NEFH: variants seen among roughly 807,000 people sequenced by gnomAD.
NEFH encodes the protein neurofilament heavy chain.
NEFH carries 58 observed loss-of-function variants against 56.6 expected under a neutral mutation model. The observed-to-expected ratio is 1.03, with a 90% CI of 0.83 to 1.28. NEFH has a LOEUF of 1.28. NEFH is among the 50% of genes most tolerant of loss of function. The pLI, the probability that NEFH is intolerant of heterozygous loss-of-function variation, is 0.00. For synonymous variants in NEFH, 542 were observed against 545.8 expected (o/e 0.99, Z 0.10); for missense variants, 1,221 against 1,307.6 (o/e 0.93, Z 1.02).
intron 2 of NEFH, among the ~76,000 whole-genome samples, chr22:29,483,982 G>T (rs373224500): frequency 2.0e-5 from 3 of 151,812 alleles, no homozygotes; most frequent in African/African-American, 7.2e-5. Context: ...CCCGAGTAGC[G>T]GGGACTACAG....
intron 1 of NEFH, among the ~76,000 whole-genome samples, chr22:29,481,412 C>A (rs1237701616): frequency 2.0e-5 from 3 of 152,134 alleles, no homozygotes; most frequent in South Asian, 2.1e-4. Context: ...TGCTCTCTAC[C>A]CCAAGCTTAG....
chr22:29,480,971 G>A lies in NEFH; in HGVS notation c.709G>A (p.Glu237Lys). Residue 237 changes from glutamate to lysine, a missense_variant, in exon 1 of 4, where the codon GAG becomes AAG. By Grantham distance (56) the Glu-to-Lys change is moderately conservative. Transcript: ENST00000310624. Reference sequence around the variant, plus strand: ...CTACCTGCGGCGCCACCACCAGGAAGAGGTGGGCGAGCTGCTCGGCCAGAT... The same window carrying A: ...CTACCTGCGGCGCCACCACCAGGAAAAGGTGGGCGAGCTGCTCGGCCAGAT... ...CGYLRRHHQE[E>K]VGELLGQIQG... 6.5e-7 allele frequency: 1 copy of A among 1,531,660 alleles called. No individual in the cohort carries two copies. Among genetic ancestry groups the A allele is most frequent in the Non-Finnish European group, 8.7e-7 (1 of 1,145,492 alleles). The allele number at this position is 1,531,660 out of a possible 1,614,324, so 94.9% of individuals were successfully genotyped here.
chr22:29,481,712 G>A (rs1200476631), intron 1 of NEFH, among the ~76,000 whole-genome samples: 2 of 152,178 alleles, frequency 1.3e-5, no homozygotes, highest in Non-Finnish European at 2.9e-5. Context: ...TTCCTAGAGG[G>A]AACCATTACT....
At chr22:29,488,791 C>T (rs566058504) in intron 3 of NEFH, 58 bp from the exon 4 acceptor site, 1 of 1,546,292 alleles carries the variant, frequency 6.5e-7, no homozygotes, top group Non-Finnish European at 8.9e-7. Flanking sequence ...CTAGGAAGAA[C>T]CCAAATAGTG....
At chr22:29,485,529 A>G (rs1469966766) in intron 2 of NEFH, among the ~76,000 whole-genome samples, 194 bp from the exon 3 acceptor site, 4 of 152,242 alleles carry the variant, frequency 2.6e-5, no homozygotes, top group Non-Finnish European at 5.9e-5. Flanking sequence ...TGAGGTCACT[A>G]TACAGCAGGA....
chr22:29,490,439 A>G lies in NEFH; in HGVS notation c.2799A>G (p.Pro933=), dbSNP rs746496225. 1.2e-6 allele frequency: 2 copies of G among 1,604,902 alleles called. No individual in the cohort carries two copies. The highest frequency in any genetic ancestry group is 1.7e-6 in the Non-Finnish European group (2 of 1,177,796). ...AGACAGAGGTAGCCAAGAAGGAACC[A>G]GATGATGCCAAGGCCAAGGAACCCA... The part of the protein sequence containing the change: ...KEKTEVAKKE[P]DDAKAKEPSK... Residue 933 remains proline (P), a synonymous_variant, in exon 4 of 4, where the codon CCA becomes CCG. Coordinates refer to ENST00000310624, the MANE Select transcript of NEFH (RefSeq NM_021076.4).
chr22:29,490,406 C>A lies in NEFH; in HGVS notation c.2766C>A (p.Pro922=). 5 of 1,611,558 alleles carry A rather than the reference C, an allele frequency of 3.1e-6. No homozygotes were observed. The highest frequency in any genetic ancestry group is 4.2e-6 in the Non-Finnish European group (5 of 1,179,472). ...TGGAGGTGAAGGAAGACGCTAAACC[C>A]AAAGAAAAGACAGAGGTAGCCAAGA... ...AKVEVKEDAK[P]KEKTEVAKKE... is the part of the protein sequence containing the mutation. The change falls in exon 4 of 4, where the codon CCC becomes CCA. Residue 922 remains proline (P), a synonymous_variant. Coordinates refer to ENST00000310624, the MANE Select transcript of NEFH (RefSeq NM_021076.4).
rs2146401298 is a variant in NEFH, at chr22:29,490,149, G to C, written c.2509G>C (p.Glu837Gln). Reference protein sequence around the residue: ...EEKPQEVKVKEPPKKAEEEKA... With the variant: ...EEKPQEVKVKQPPKKAEEEKA... ...GAAGCCCCAGGAGGTGAAAGTCAAA[G>C]AGCCCCCAAAGAAGGCAGAGGAAGA... The change falls in exon 4 of 4, where the codon GAG becomes CAG. Residue 837 changes from glutamate (E) to glutamine (Q), a missense_variant. Glu to Gln is a conservative substitution (Grantham distance 29). This residue lies in a region of NEFH where 301 missense variants were observed against 346.6 expected (regional missense o/e 0.87). Transcript: ENST00000310624. The C allele has an allele frequency of 6.2e-7, 1 of 1,613,764 alleles. No individual in the cohort carries two copies.
intron 2 of NEFH, 136 bp from the exon 3 acceptor site, chr22:29,485,587 C>G: frequency 9.7e-7 from 1 of 1,034,458 alleles, no homozygotes. Context: ...CCCTACAGCT[C>G]TGGCAGGGTT....
Position 29,489,972 on chromosome 22 carries a change from G to T in NEFH, c.2332G>T (p.Ala778Ser). Residue 778 changes from alanine to serine, a missense_variant, in exon 4 of 4, where the codon GCA becomes TCA. By Grantham distance (99) the Ala-to-Ser change is moderately conservative. Coordinates refer to ENST00000310624, the MANE Select transcript of NEFH (RefSeq NM_021076.4). ...AGCGAAGGAGGAAGCAAGGTCCCCT[G>T]CAGACAAATTCCCTGAAAAGGCCAA... ...TPAKEEARSP[A>S]DKFPEKAKSP... is the part of the protein sequence containing the mutation. 6.2e-7 allele frequency: 1 copy of T among 1,614,010 alleles called. No homozygotes were observed. Among genetic ancestry groups the T allele is most frequent in the East Asian group, 2.2e-5 (1 of 44,838 alleles).
At chr22:29,482,757 T>C (rs1039601713) in intron 1 of NEFH, among the ~76,000 whole-genome samples, 3 of 152,208 alleles carry the variant, frequency 2.0e-5, no homozygotes, top group Non-Finnish European at 4.4e-5. Flanking sequence ...GCTAGGGAGC[T>C]GGACCAGGCA....
At chr22:29,486,137 G>T (rs376790111) in intron 3 of NEFH, among the ~76,000 whole-genome samples, 1 of 152,070 alleles carries the variant, frequency 6.6e-6, no homozygotes, top group East Asian at 1.9e-4. Context: ...CCATGCCTCA[G>T]CCTCCTGAGT....
At position 29,480,933 on chromosome 22, in the gene NEFH, A is replaced by T. The variant is rs1192980800; in HGVS notation, c.671A>T (p.Gln224Leu). 6.5e-7 allele frequency: 1 copy of T among 1,528,198 alleles called. No homozygotes were observed. The highest frequency in any genetic ancestry group is 2.0e-5 in the Admixed American group (1 of 50,674). 94.7% of individuals were successfully genotyped at this position (1,528,198 alleles called of 1,614,324 possible). A position where few individuals can be genotyped will look rare whatever the true frequency, so the allele number is the denominator to read the frequency against. Reference protein sequence around the residue: ...VDLQKKAQALQEECGYLRRHH... With the variant: ...VDLQKKAQALLEECGYLRRHH... ...CTGCAGAAGAAGGCGCAGGCGCTGCAGGAGGAGTGCGGCTACCTGCGGCGC... is the reference window on the plus strand; with the variant it reads ...CTGCAGAAGAAGGCGCAGGCGCTGCTGGAGGAGTGCGGCTACCTGCGGCGC... The change falls in exon 1 of 4, where the codon CAG becomes CTG. Residue 224 changes from glutamine to leucine, a missense_variant. Around this residue, in one of 4 missense-constraint regions of NEFH, gnomAD observed 640 missense variants for 555.5 expected, o/e 1.15. Coordinates refer to ENST00000310624, the MANE Select transcript of NEFH (RefSeq NM_021076.4).
In NEFH at chr22:29,480,656, C is replaced by T; in HGVS notation, c.394C>T (p.Leu132=). 6.4e-7 allele frequency: 1 copy of T among 1,555,042 alleles called. No homozygotes were observed. The highest frequency in any genetic ancestry group is 8.6e-7 in the Non-Finnish European group (1 of 1,159,446). The change falls in exon 1 of 4, where the codon CTG becomes TTG. Residue 132 remains leucine (L), a synonymous_variant. Transcript: ENST00000310624. The part of the protein sequence containing the change: ...NRSLEGEAAA[L]RQQQAGRSAM... ...CAGCCTGGAGGGCGAGGCTGCGGCG[C>T]TGCGGCAGCAGCAGGCGGGCCGCTC... is the stretch of plus-strand genomic sequence containing the variant.
At chr22:29,483,869 A>T (rs2063028543) in intron 2 of NEFH, among the ~76,000 whole-genome samples, 1 of 103,456 alleles carries the variant, frequency 9.7e-6, no homozygotes, top group Non-Finnish European at 1.9e-5. Context: ...ATTTATTTTG[A>T]GATGGAGTCT....
At chr22:29,484,404 C>T (rs545535362) in intron 2 of NEFH, among the ~76,000 whole-genome samples, 3 of 152,162 alleles carry the variant, frequency 2.0e-5, no homozygotes, top group South Asian at 4.1e-4. Context: ...CTTTAGGAGG[C>T]CAAGGCGGGT....
At position 29,490,563 on chromosome 22, in the gene NEFH, G is replaced by T; in HGVS notation, c.2923G>T (p.Ala975Ser). The T allele has an allele frequency of 6.2e-7, 1 of 1,613,616 alleles. No individual in the cohort carries two copies. ...GGAGAAACCCAAGACAGAGGCCAAA[G>T]CCAAGGAAGATGACAAGACCCTCTC... ...PEEKPKTEAK[A>S]KEDDKTLSKE... Residue 975 changes from alanine (A) to serine (S), a missense_variant, in exon 4 of 4, where the codon GCC (alanine) becomes TCC (serine). Transcript: ENST00000310624.
intron 2 of NEFH, among the ~76,000 whole-genome samples, chr22:29,484,287 T>C (rs2063030970): frequency 6.6e-6 from 1 of 152,210 alleles, no homozygotes; most frequent in African/African-American, 2.4e-5. Flanking sequence ...GGACATTCTG[T>C]AAACAGCAAC....
chr22:29,488,227 G>C (rs970905489), intron 3 of NEFH, among the ~76,000 whole-genome samples: 3 of 152,068 alleles, frequency 2.0e-5, no homozygotes, highest in African/African-American at 7.2e-5. Flanking sequence ...AACTGGACGT[G>C]GTGGCGTGCG....
Sources: gnomAD v4.1 joint callset for allele counts (sites outside exome capture counted in the v4.1 genomes callset) on GRCh38, gnomAD v4.1.1 for gene constraint, gnomAD v4.1.1 regional missense constraint, MANE v1.5 for transcripts, NCBI Gene and HGNC (gene_info 2026-07-23, HGNC 2026-07-21) for gene names.